The following DIP2B variants were observed in gnomAD, a reference collection of about 807,000 sequenced individuals.
The protein encoded by DIP2B is disco-interacting protein 2 homolog B.
A neutral mutation model predicts 198.0 loss-of-function variants in DIP2B; 76 were observed. That is an observed-to-expected ratio of 0.38 (90% CI 0.32 to 0.46). DIP2B has a LOEUF of 0.46. DIP2B is among the 20% of genes least tolerant of loss of function. The probability of loss-of-function intolerance (pLI) is 0.99; values close to 1 mark genes in which losing one functional copy is unlikely to be tolerated. For synonymous variants in DIP2B, 701 were observed against 739.1 expected (o/e 0.95, Z 0.84); for missense variants, 1,559 against 1,978.4 (o/e 0.79, Z 4.02).
At chr12:50,626,774 CTTT>C (rs10712216) in intron 2 of DIP2B, among the ~76,000 whole-genome samples, 31 of 132,710 alleles carry the variant, frequency 2.3e-4, no homozygotes, top group Non-Finnish European at 3.6e-4. Flanking sequence ...GAACTAATGG[CTTT>C]TTTTTTTTTT....
intron 1 of DIP2B, among the ~76,000 whole-genome samples, chr12:50,600,617 A>C (rs1958926306): frequency 6.6e-6 from 1 of 152,088 alleles, no homozygotes; most frequent in Admixed American, 6.6e-5. Flanking sequence ...TAAGTTTTTA[A>C]ATCAGTGGCT....
intron 1 of DIP2B, among the ~76,000 whole-genome samples, chr12:50,606,092 G>A (rs1958979303): frequency 6.6e-6 from 1 of 152,172 alleles, no homozygotes; most frequent in South Asian, 2.1e-4. Flanking sequence ...CAAAGTGCTA[G>A]GATTACAGGC....
chr12:50,565,387 C>T (rs1958555153), intron 1 of DIP2B, among the ~76,000 whole-genome samples: 1 of 152,106 alleles, frequency 6.6e-6, no homozygotes, highest in African/African-American at 2.4e-5. Flanking sequence ...GCTCCACCTC[C>T]TGGGTTCATG....
intron 12 of DIP2B, among the ~76,000 whole-genome samples, chr12:50,690,814 A>G (rs1939210738): frequency 6.6e-6 from 1 of 152,174 alleles, no homozygotes; most frequent in African/African-American, 2.4e-5. Context: ...ACTGATGACT[A>G]TTAAACTTTG....
intron 1 of DIP2B, among the ~76,000 whole-genome samples, chr12:50,574,561 A>G (rs954836589): frequency 7.2e-6 from 1 of 139,396 alleles, no homozygotes; most frequent in African/African-American, 2.5e-5. Context: ...GAAGAAGAGC[A>G]TGAACAGACT....
At chr12:50,569,136 T>C (rs905250885) in intron 1 of DIP2B, among the ~76,000 whole-genome samples, 5 of 152,092 alleles carry the variant, frequency 3.3e-5, no homozygotes, top group African/African-American at 1.2e-4. Context: ...CATGGGAATT[T>C]GTTTTGATAG....
At chr12:50,740,725 C>T (rs1358693440) in intron 36 of DIP2B, among the ~76,000 whole-genome samples, 1 of 152,244 alleles carries the variant, frequency 6.6e-6, no homozygotes, top group African/African-American at 2.4e-5. Context: ...AGCTGGATTA[C>T]AAGCCTGTTA....
intron 12 of DIP2B, among the ~76,000 whole-genome samples, chr12:50,689,130 G>T (rs1375420768): frequency 6.6e-6 from 1 of 152,134 alleles, no homozygotes; most frequent in African/African-American, 2.4e-5. Context: ...GGGCGCAGTG[G>T]CTCACCCCTA....
At chr12:50,681,714 T>C (rs769628467) in intron 9 of DIP2B, among the ~76,000 whole-genome samples, 44 of 152,244 alleles carry the variant, frequency 2.9e-4, no homozygotes, top group Non-Finnish European at 3.2e-4. Context: ...ATTGGGCTTA[T>C]GATTATGGAA....
At chr12:50,537,930 G>A (rs1958284948) in intron 1 of DIP2B, among the ~76,000 whole-genome samples, 1 of 152,180 alleles carries the variant, frequency 6.6e-6, no homozygotes, top group Non-Finnish European at 1.5e-5. Flanking sequence ...AGGCTAGATT[G>A]AAAACGGGAA....
intron 30 of DIP2B, among the ~76,000 whole-genome samples, chr12:50,730,591 T>C (rs1394636035): frequency 6.6e-6 from 1 of 152,128 alleles, no homozygotes; most frequent in Non-Finnish European, 1.5e-5. Flanking sequence ...TTTGCTCTAT[T>C]ACCCAGGCTG....
At chr12:50,712,273 G>C (rs941760026) in intron 22 of DIP2B, among the ~76,000 whole-genome samples, 13 of 152,036 alleles carry the variant, frequency 8.6e-5, no homozygotes, top group African/African-American at 2.9e-4. Context: ...AAGACCTATG[G>C]GTAATACGGT....
intron 23 of DIP2B, among the ~76,000 whole-genome samples, chr12:50,715,351 C>T (rs1016979998): frequency 2.6e-5 from 4 of 152,162 alleles, no homozygotes; most frequent in African/African-American, 9.7e-5. Flanking sequence ...TGACTTGGCT[C>T]CAGGCTTAGG....
chr12:50,565,078 A>C (rs897710641), intron 1 of DIP2B, among the ~76,000 whole-genome samples: 2 of 152,008 alleles, frequency 1.3e-5, no homozygotes, highest in African/African-American at 2.4e-5. Context: ...CTCACAGCTC[A>C]CTATAGCCTT....
chr12:50,555,712 T>C (rs183259220), intron 1 of DIP2B, among the ~76,000 whole-genome samples: 1 of 152,222 alleles, frequency 6.6e-6, no homozygotes, highest in Admixed American at 6.5e-5. Flanking sequence ...TTCCATCTCA[T>C]TGGGCCTCTC....
chr12:50,706,726 TG>T, intron 21 of DIP2B, 61 bp downstream of exon 21: 1 of 1,575,386 alleles, frequency 6.3e-7, no homozygotes, highest in South Asian at 1.1e-5. Flanking sequence ...CATCTTCACA[TG>T]GTGATTTCAG....
At chr12:50,717,145 A>G (rs1023351358) in intron 23 of DIP2B, among the ~76,000 whole-genome samples, 4 of 151,140 alleles carry the variant, frequency 2.6e-5, no homozygotes, top group East Asian at 1.9e-4. Context: ...GGGTTTTGCC[A>G]TGTTGGCCAG....
intron 1 of DIP2B, among the ~76,000 whole-genome samples, chr12:50,591,423 A>G (rs918064698): frequency 6.6e-6 from 1 of 150,884 alleles, no homozygotes; most frequent in African/African-American, 2.4e-5. Context: ...TGGGGGTGAG[A>G]TCCAAATTAT....
intron 1 of DIP2B, among the ~76,000 whole-genome samples, chr12:50,560,656 C>A (rs1958511843): frequency 6.6e-6 from 1 of 152,166 alleles, no homozygotes. Flanking sequence ...GAGGCTGAGG[C>A]ATGAGAATTG....
Sources: gnomAD v4.1 joint callset for allele counts (sites outside exome capture counted in the v4.1 genomes callset) on GRCh38, gnomAD v4.1.1 for gene constraint, MANE v1.5 for transcripts, NCBI Gene and HGNC (gene_info 2026-07-23, HGNC 2026-07-21) for gene names.